The following EFCAB6 variants were observed in gnomAD, a reference collection of about 807,000 sequenced individuals.
EFCAB6 encodes the protein EF-hand calcium-binding domain-containing protein 6.
A neutral mutation model predicts 169.8 loss-of-function variants in EFCAB6; 156 were observed. The ratio of observed to expected loss-of-function variants is 0.92; its 90% confidence interval spans 0.81 to 1.05. The LOEUF (loss-of-function observed/expected upper bound fraction) is 1.05, where lower values mean the gene tolerates loss of function less well. Ranked by LOEUF, EFCAB6 falls within the 50% of genes least tolerant of loss-of-function variation. The pLI, the probability that EFCAB6 is intolerant of heterozygous loss-of-function variation, is 0.00. For missense variants in EFCAB6, 1,800 were observed against 1,829.1 expected (o/e 0.98, Z 0.29); for synonymous variants, 698 against 676.4 (o/e 1.03, Z -0.50).
At chr22:43,579,441 T>C (rs1433071612) in intron 25 of EFCAB6, among the ~76,000 whole-genome samples, 1 of 150,558 alleles carries the variant, frequency 6.6e-6, no homozygotes, top group Non-Finnish European at 1.5e-5. Flanking sequence ...CATCATTCCC[T>C]ACATGCAAGC....
At chr22:43,722,930 A>C (rs752266470) in intron 8 of EFCAB6, among the ~76,000 whole-genome samples, 1 of 152,228 alleles carries the variant, frequency 6.6e-6, no homozygotes, top group Non-Finnish European at 1.5e-5. Context: ...GGAGGCCATA[A>C]TTCTAAGCAA....
At chr22:43,601,103 C>A (rs1212489153) in intron 22 of EFCAB6, among the ~76,000 whole-genome samples, 1 of 152,142 alleles carries the variant, frequency 6.6e-6, no homozygotes, top group African/African-American at 2.4e-5. Context: ...GTAAAATTTC[C>A]CATTTCCTCT....
At chr22:43,650,582 A>T (rs765606687) in intron 17 of EFCAB6, among the ~76,000 whole-genome samples, 52 of 152,192 alleles carry the variant, frequency 3.4e-4, no homozygotes, top group Admixed American at 9.8e-4. Flanking sequence ...TGCTGAAAAG[A>T]TACCTGAAAA....
chr22:43,592,819 A>G (rs921279090), intron 23 of EFCAB6, among the ~76,000 whole-genome samples: 3 of 152,332 alleles, frequency 2.0e-5, no homozygotes, highest in Non-Finnish European at 4.4e-5. Context: ...TATGTGGCTC[A>G]TTTACTGTTG....
intron 2 of EFCAB6, among the ~76,000 whole-genome samples, chr22:43,789,932 T>C (rs1186605123): frequency 6.6e-6 from 1 of 151,704 alleles, no homozygotes; most frequent in Non-Finnish European, 1.5e-5. Flanking sequence ...GTAAAATTAT[T>C]AAATATTCAA....
intron 12 of EFCAB6, among the ~76,000 whole-genome samples, chr22:43,680,347 G>A (rs1478056756): frequency 6.6e-6 from 1 of 152,000 alleles, no homozygotes; most frequent in African/African-American, 2.4e-5. Context: ...TACTACTATA[G>A]CTTTGCACTA....
intron 22 of EFCAB6, among the ~76,000 whole-genome samples, chr22:43,604,499 C>T (rs1176472197): frequency 6.6e-6 from 1 of 152,212 alleles, no homozygotes; most frequent in East Asian, 1.9e-4. Flanking sequence ...TTCTAAAAGT[C>T]ACCCTCTGAC....
rs2048109546 is a variant in EFCAB6 at position 43,547,209 on chromosome 22, G to C, written c.3649-6852C>G. 2.0e-5 allele frequency among the ~76,000 whole-genome samples: 3 copies of C among 152,180 alleles called. No individual in the cohort carries two copies. The South Asian group carries it at 6.2e-4, about 31-fold the overall frequency. ...GCAACTCAATGTCATGTGCCCTGTAGCGCTCATGAGGAAGTAAGGGAAATC... is the reference window on the plus strand; with the variant it reads ...GCAACTCAATGTCATGTGCCCTGTACCGCTCATGAGGAAGTAAGGGAAATC... On this transcript the variant is annotated intron_variant, in intron 27 of 31. Transcript: ENST00000262726.
chr22:43,639,909 A>G (rs1278064428), intron 17 of EFCAB6, among the ~76,000 whole-genome samples: 1 of 151,984 alleles, frequency 6.6e-6, no homozygotes, highest in Non-Finnish European at 1.5e-5. Context: ...GACTTCTGTC[A>G]TCTTCATTCT....
chr22:43,718,074 A>ATCCATCCG (rs1037586069), intron 8 of EFCAB6, among the ~76,000 whole-genome samples: 3 of 151,718 alleles, frequency 2.0e-5, no homozygotes, highest in African/African-American at 7.3e-5. Context: ...CCATCCATCC[A>ATCCATCCG]TCCATCCATC....
chr22:43,716,815 T>C lies in EFCAB6; in HGVS notation c.882+33A>G, dbSNP rs768357903. Reference sequence around the variant, plus strand: ...ATTGTCTACTTTGCTGTGTTTACTCTGTAGGTAATTGTGGCTTAGGAAAAC... The same window carrying C: ...ATTGTCTACTTTGCTGTGTTTACTCCGTAGGTAATTGTGGCTTAGGAAAAC... On this transcript the variant is annotated intron_variant, in intron 9 of 31. Coordinates refer to ENST00000262726, the MANE Select transcript of EFCAB6 (RefSeq NM_022785.4). 7.6e-5 allele frequency: 121 copies of C among 1,586,740 alleles called. No homozygotes were observed. The South Asian group carries it at 1.3e-3, about 17-fold the overall frequency.
chr22:43,583,318 C>T (rs1436097279), intron 24 of EFCAB6, among the ~76,000 whole-genome samples: 1 of 151,374 alleles, frequency 6.6e-6, no homozygotes, highest in East Asian at 2.0e-4. Context: ...CTTTGAGATG[C>T]TTACAGATTT....
intron 2 of EFCAB6, among the ~76,000 whole-genome samples, chr22:43,792,213 G>T (rs374763618): frequency 9.9e-5 from 15 of 152,210 alleles, no homozygotes; most frequent in African/African-American, 3.6e-4. Context: ...AGGCAAGTCG[G>T]GGAGTGGGAG....
intron 10 of EFCAB6, among the ~76,000 whole-genome samples, chr22:43,687,791 C>T (rs137797): frequency 0.95 from 144,902 of 152,292 alleles, 68,960 homozygotes; most frequent in East Asian, 0.98. Flanking sequence ...GATCTGCATG[C>T]CTCTATATTG....
At chr22:43,529,058 A>G (rs1014141587) in intron 31 of EFCAB6, 83 bp from the exon 32 acceptor site, 1 of 1,438,630 alleles carries the variant, frequency 7.0e-7, no homozygotes, top group African/African-American at 1.4e-5. Flanking sequence ...GGGCTGGGGG[A>G]CACATCCACC....
At chr22:43,541,115 C>G (rs1011229062) in intron 27 of EFCAB6, among the ~76,000 whole-genome samples, 2 of 152,226 alleles carry the variant, frequency 1.3e-5, no homozygotes, top group East Asian at 3.8e-4. Flanking sequence ...TCCAACACAG[C>G]TGATGGAGAG....
chr22:43,802,251 C>G (rs1399546981), intron 2 of EFCAB6, among the ~76,000 whole-genome samples: 3 of 152,160 alleles, frequency 2.0e-5, no homozygotes, highest in Non-Finnish European at 4.4e-5. Flanking sequence ...GAAGATAAAA[C>G]CAGCTGGGTG....
chr22:43,706,007 T>A (rs1040695794), intron 10 of EFCAB6, among the ~76,000 whole-genome samples: 2 of 151,652 alleles, frequency 1.3e-5, no homozygotes, highest in Non-Finnish European at 2.9e-5. Context: ...TAAAAGGAAA[T>A]GAAAGAGGAG....
At chr22:43,635,822 G>A (rs2055350900) in intron 17 of EFCAB6, among the ~76,000 whole-genome samples, 3 of 152,120 alleles carry the variant, frequency 2.0e-5, no homozygotes, top group African/African-American at 7.2e-5. Context: ...GGCAGAGGGA[G>A]CACCCAAGAA....
Sources: gnomAD v4.1 joint callset for allele counts (sites outside exome capture counted in the v4.1 genomes callset) on GRCh38, gnomAD v4.1.1 for gene constraint, MANE v1.5 for transcripts, NCBI Gene and HGNC (gene_info 2026-07-23, HGNC 2026-07-21) for gene names.